The following BMP2K variants were observed in gnomAD, a reference collection of about 807,000 sequenced individuals.
BMP2K encodes BMP2 inducible kinase.
A neutral mutation model predicts 116.0 loss-of-function variants in BMP2K; 74 were observed. The ratio of observed to expected loss-of-function variants is 0.64; its 90% CI spans 0.53 to 0.77. The LOEUF (loss-of-function observed/expected upper bound fraction) is 0.77, where lower values mean the gene tolerates loss of function less well. Among genes scored for constraint, BMP2K ranks in the 30% least tolerant of loss-of-function variants. BMP2K has a pLI of 0.00. For synonymous variants in BMP2K, 486 were observed against 502.5 expected (o/e 0.97, Z 0.44); for missense variants, 1,365 against 1,403.6 (o/e 0.97, Z 0.44).
intron 9 of BMP2K, among the ~76,000 whole-genome samples, chr4:78,864,567 T>C (rs1400654021): frequency 1.3e-5 from 2 of 152,152 alleles, no homozygotes; most frequent in African/African-American, 4.8e-5. Context: ...CGTTTTTTTT[T>C]TTGGTACCTC....
At position 78,806,840 on chromosome 4, in the gene BMP2K, CT is replaced by C. The variant is rs1038770824; in HGVS notation, c.179-19181del. On this transcript the variant is annotated intron_variant, in intron 1 of 15. Coordinates refer to ENST00000502613, the MANE Select transcript of BMP2K (RefSeq NM_198892.2). ...GAAGTGGTGGTGGATCTTATCTTTT[CT>C]TTTTTTTTTTTTTTTAAATATTTTT... Among the ~76,000 whole-genome samples, 310 of 128,156 alleles carry C rather than the reference CT, an allele frequency of 2.4e-3. 1 individual carries two copies. Among genetic ancestry groups the C allele is most frequent in the Middle Eastern group, 0.012 (3 of 246 alleles). 84.1% of individuals were successfully genotyped at this position (128,156 alleles called of 152,430 possible).
chr4:78,863,550 G>A (rs1444153868), intron 9 of BMP2K, among the ~76,000 whole-genome samples: 3 of 152,092 alleles, frequency 2.0e-5, no homozygotes, highest in Admixed American at 6.6e-5. Context: ...TGGAAACATT[G>A]AAGGATTTTA....
At chr4:78,809,260 T>C (rs1442892056) in intron 1 of BMP2K, among the ~76,000 whole-genome samples, 1 of 152,234 alleles carries the variant, frequency 6.6e-6, no homozygotes, top group Non-Finnish European at 1.5e-5. Context: ...TTGTCTGATA[T>C]TAGTATAGCT....
chr4:78,872,943 TG>T (rs781369189), intron 13 of BMP2K, 145 bp downstream of exon 13: 13 of 826,168 alleles, frequency 1.6e-5, no homozygotes, highest in Non-Finnish European at 2.0e-5. Flanking sequence ...TCCTGTCTTC[TG>T]GTCCCTTGGC....
rs1312558177 is a variant in BMP2K at position 78,776,518 on chromosome 4, G to T, written c.-26G>T. The T allele has an allele frequency of 3.5e-6, 4 of 1,135,702 alleles. No homozygotes were observed. Among genetic ancestry groups the T allele is most frequent in the Non-Finnish European group, 4.3e-6 (4 of 923,640 alleles). The allele number at this position is 1,135,702 out of a possible 1,614,324, so 70.4% of individuals were successfully genotyped here. ...GGGGACTTGCCCTTGCACGCTCCCT[G>T]CGCCCTCCAGCTCGCCGGCGGGACC... On this transcript the variant is annotated 5_prime_UTR_variant, in exon 1 of 16. Transcript: ENST00000502613.
At chr4:78,865,259 T>C (rs1731985940) in intron 9 of BMP2K, among the ~76,000 whole-genome samples, 1 of 152,200 alleles carries the variant, frequency 6.6e-6, no homozygotes. Flanking sequence ...GTTTATTTCC[T>C]TTCAGTATCA....
Position 78,861,393 on chromosome 4 carries a change from C to G in BMP2K, c.992C>G (p.Ser331Cys). ...KDCPVSNINN[S>C]SIPSALPEPM... The stretch of plus-strand genomic sequence containing the variant: ...TTTTATTTTTTTTCTTCCAAGAATT[C>G]TTCTATTCCTTCAGCTCTTCCTGAA... The change falls in exon 9 of 16, where the codon TCT becomes TGT. Residue 331 changes from serine (S) to cysteine (C), a missense_variant. Ser to Cys is a moderately radical substitution (Grantham distance 112). This residue lies in a region of BMP2K where 762 missense variants were observed against 756.7 expected (regional missense o/e 1.01). Transcript: ENST00000502613. The G allele has an allele frequency of 6.3e-7, 1 of 1,592,206 alleles. No individual in the cohort carries two copies. Among genetic ancestry groups the G allele is most frequent in the Non-Finnish European group, 8.5e-7 (1 of 1,170,072 alleles).
At chr4:78,902,186 G>A (rs1319811740) in intron 15 of BMP2K, among the ~76,000 whole-genome samples, 1 of 152,118 alleles carries the variant, frequency 6.6e-6, no homozygotes, top group Non-Finnish European at 1.5e-5. Context: ...GCTCAGAAAG[G>A]TTCACTGACT....
chr4:78,822,322 G>A (rs1051706316), intron 1 of BMP2K, among the ~76,000 whole-genome samples: 2 of 152,094 alleles, frequency 1.3e-5, no homozygotes, highest in African/African-American at 4.8e-5. Context: ...ATTATTTCAT[G>A]TGTAAATGTT....
chr4:78,889,210 G>T (rs1733283967), intron 15 of BMP2K, among the ~76,000 whole-genome samples: 2 of 115,686 alleles, frequency 1.7e-5, no homozygotes, highest in South Asian at 2.9e-4. Flanking sequence ...GATAGAGTGA[G>T]ACTCTGTCTC....
At chr4:78,792,015 T>C (rs1029108836) in intron 1 of BMP2K, among the ~76,000 whole-genome samples, 1 of 152,214 alleles carries the variant, frequency 6.6e-6, no homozygotes, top group African/African-American at 2.4e-5. Context: ...TTTGAGGAAT[T>C]GCCGCACTGT....
intron 1 of BMP2K, among the ~76,000 whole-genome samples, chr4:78,822,772 A>G (rs1729685620): frequency 6.6e-6 from 1 of 152,176 alleles, no homozygotes; most frequent in Non-Finnish European, 1.5e-5. Context: ...ACTGAGGTAC[A>G]TGATAATATA....
rs1385816736 is a variant in BMP2K at position 78,911,658 on chromosome 4, C to T, written c.3111C>T (p.Thr1037=). The part of the protein sequence containing the change: ...RDSQSSNEFL[T]ISDSKENISV... ...CTCAAAGTAGCAATGAATTTTTAAC[C>T]ATCTCAGACTCCAAGGAGAACATTA... Residue 1037 remains threonine, a synonymous_variant, in exon 16 of 16, where the codon ACC becomes ACT. Transcript: ENST00000502613. 2 of 1,613,784 alleles carry T rather than the reference C, an allele frequency of 1.2e-6. No homozygotes were observed. Among genetic ancestry groups the T allele is most frequent in the Non-Finnish European group, 1.7e-6 (2 of 1,179,862 alleles).
intron 1 of BMP2K, among the ~76,000 whole-genome samples, chr4:78,787,770 C>G (rs1220417058): frequency 6.6e-6 from 1 of 152,044 alleles, no homozygotes; most frequent in Non-Finnish European, 1.5e-5. Context: ...ATTTAGTTTG[C>G]TTTTAGATTA....
chr4:78,866,705 C>G (rs181302114), intron 10 of BMP2K, among the ~76,000 whole-genome samples: 423 of 152,188 alleles, frequency 2.8e-3, no homozygotes, highest in African/African-American at 9.8e-3. Flanking sequence ...GGCTGGAGTG[C>G]AATAGCACGA....
In BMP2K at chr4:78,912,891, G is replaced by A. The variant is rs1347176525; in HGVS notation, c.*858G>A. On this transcript the variant is annotated 3_prime_UTR_variant, in exon 16 of 16. Coordinates refer to ENST00000502613, the MANE Select transcript of BMP2K (RefSeq NM_198892.2). ...AGAACAGAAAACATTCACTACTTTAGAAACACTTTATGCATGGCTTCTTGC... is the reference window on the plus strand; with the variant it reads ...AGAACAGAAAACATTCACTACTTTAAAAACACTTTATGCATGGCTTCTTGC... 1.3e-5 allele frequency: 2 copies of A among 152,090 alleles called. No homozygotes were observed. Among genetic ancestry groups the A allele is most frequent in the Admixed American group, 6.6e-5 (1 of 15,252 alleles). 9.4% of individuals were successfully genotyped at this position (152,090 alleles called of 1,614,324 possible).
In BMP2K at chr4:78,793,425, AT is replaced by A. The variant is rs1224661947; in HGVS notation, c.178+16706del. ...ACTCCGTCTCAAAAAAAAAAAAAAA[AT>A]TAAAAAAAAAGTTATGCACCGAGTT... On this transcript the variant is annotated intron_variant, in intron 1 of 15. Transcript: ENST00000502613. 1.5e-3 allele frequency among the ~76,000 whole-genome samples: 220 copies of A among 151,564 alleles called. 1 individual carries two copies. The highest frequency in any genetic ancestry group is 5.1e-3 in the African/African-American group (209 of 41,288).
chr4:78,809,402 G>A (rs554466375), intron 1 of BMP2K, among the ~76,000 whole-genome samples: 2 of 151,658 alleles, frequency 1.3e-5, no homozygotes, highest in African/African-American at 4.8e-5. Context: ...TCTTGAGACA[G>A]GGTCTGGCTC....
intron 1 of BMP2K, among the ~76,000 whole-genome samples, chr4:78,804,128 C>T (rs1313107100): frequency 6.6e-6 from 1 of 152,168 alleles, no homozygotes; most frequent in Non-Finnish European, 1.5e-5. Flanking sequence ...ATTCCTCCCT[C>T]CCCACCCCAA....
Sources: allele counts gnomAD v4.1 joint callset (sites outside exome capture counted in the v4.1 genomes callset), GRCh38; gene constraint gnomAD v4.1.1; regional missense constraint gnomAD v4.1.1; transcripts MANE v1.5; gene names NCBI Gene and HGNC (gene_info 2026-07-23, HGNC 2026-07-21).